DSCAML1: variants seen among roughly 807,000 people sequenced by gnomAD.
The protein encoded by DSCAML1 is DS cell adhesion molecule like 1, also known as cell adhesion molecule DSCAML1.
DSCAML1 carries 38 observed loss-of-function variants against 200.5 expected under a neutral mutation model. That is an observed-to-expected ratio of 0.19 (90% CI 0.15 to 0.25). DSCAML1 has a LOEUF of 0.25. DSCAML1 is among the 10% of genes least tolerant of loss of function. The probability of loss-of-function intolerance (pLI) is 1.00; values close to 1 mark genes in which losing one functional copy is unlikely to be tolerated. For synonymous variants in DSCAML1, 1,215 were observed against 1,165.0 expected (o/e 1.04, Z -0.87); for missense variants, 2,223 against 2,858.8 (o/e 0.78, Z 5.07).
intron 3 of DSCAML1, among the ~76,000 whole-genome samples, chr11:117,620,493 A>G (rs2051906437): frequency 6.6e-6 from 1 of 152,166 alleles, no homozygotes. Context: ...CGACACTGTG[A>G]CTGAAATTAA....
intron 11 of DSCAML1, among the ~76,000 whole-genome samples, chr11:117,500,544 G>C (rs1246803341): frequency 1.3e-5 from 1 of 78,534 alleles, no homozygotes; most frequent in African/African-American, 5.5e-5. Flanking sequence ...ACTTACCGGG[G>C]AGGACATTGG....
At chr11:117,665,390 C>G (rs1214300841) in intron 3 of DSCAML1, among the ~76,000 whole-genome samples, 3 of 152,242 alleles carry the variant, frequency 2.0e-5, no homozygotes, top group African/African-American at 7.2e-5. Flanking sequence ...GCCACAAGCA[C>G]AGCTAACCCT....
Position 117,516,862 on chromosome 11 carries a change from C to A in DSCAML1, c.1511-123G>T. On this transcript the variant is annotated intron_variant, in intron 7 of 32. Coordinates refer to ENST00000651296, the MANE Select transcript of DSCAML1 (RefSeq NM_020693.4). This position sits in a 1 kb window ranked among gnomAD's most constrained non-coding sequence, Gnocchi z 5.7. ...ACTCGGCCCCTGAGACTTTCGGGGG[C>A]GGACATTTGGTGGGGGCACAGGGAT... 8.0e-7 allele frequency: 1 copy of A among 1,250,238 alleles called. No homozygotes were observed. The highest frequency in any genetic ancestry group is 1.5e-5 in the South Asian group (1 of 64,956). The allele number at this position is 1,250,238 out of a possible 1,614,324, so 77.4% of individuals were successfully genotyped here.
chr11:117,770,330 G>C (rs943224495), intron 3 of DSCAML1, among the ~76,000 whole-genome samples: 1 of 152,182 alleles, frequency 6.6e-6, no homozygotes, highest in African/African-American at 2.4e-5. Flanking sequence ...CACTAGTGCA[G>C]GGTGACAATC....
chr11:117,497,442 C>T (rs1262669862), intron 11 of DSCAML1, among the ~76,000 whole-genome samples: 2 of 152,176 alleles, frequency 1.3e-5, no homozygotes, highest in East Asian at 1.9e-4. Flanking sequence ...GGGGCTGCGG[C>T]GGGGAGCCTG....
chr11:117,749,507 C>T (rs2054570336), intron 3 of DSCAML1, among the ~76,000 whole-genome samples: 1 of 152,220 alleles, frequency 6.6e-6, no homozygotes, highest in African/African-American at 2.4e-5. Flanking sequence ...TAAATGATTG[C>T]AAAAACAGCT....
chr11:117,613,652 C>A (rs1225704386), intron 3 of DSCAML1, among the ~76,000 whole-genome samples: 4 of 152,224 alleles, frequency 2.6e-5, no homozygotes, highest in Non-Finnish European at 5.9e-5. Flanking sequence ...AAGCCAGCCC[C>A]CTCCCTGCCA....
At position 117,797,142 on chromosome 11, in the gene DSCAML1, T is replaced by TC. The variant is rs2055597455; in HGVS notation, c.-64dup. 1.3e-6 allele frequency: 2 copies of TC among 1,589,976 alleles called. No individual in the cohort carries two copies. Among genetic ancestry groups the TC allele is most frequent in the Non-Finnish European group, 1.7e-6 (2 of 1,169,518 alleles). On this transcript the variant is annotated 5_prime_UTR_variant, in exon 1 of 33. Transcript: ENST00000651296. Reference sequence around the variant, plus strand: ...GTGGCCGGCCGTGCGGCAGCGCCTCTCCCCCGCTCAGCGCGCTCCCAGCCG... The same window carrying TC: ...GTGGCCGGCCGTGCGGCAGCGCCTCTCCCCCCGCTCAGCGCGCTCCCAGCCG...
At chr11:117,703,408 C>T (rs2053701761) in intron 3 of DSCAML1, among the ~76,000 whole-genome samples, 1 of 152,196 alleles carries the variant, frequency 6.6e-6, no homozygotes, top group Admixed American at 6.5e-5. Context: ...ACCATCTCCC[C>T]TTCCCAGACA....
intron 21 of DSCAML1, among the ~76,000 whole-genome samples, chr11:117,442,947 AGCCCCTG>A (rs2048097853): frequency 6.6e-6 from 1 of 152,158 alleles, no homozygotes; most frequent in Non-Finnish European, 1.5e-5. Context: ...GGCAGGTGGA[AGCCCCTG>A]GCCCACCGTA....
rs1190530434 is a variant in DSCAML1, at chr11:117,498,509, G to T, written c.2359+5336C>A. On this transcript the variant is annotated intron_variant, in intron 11 of 32. Transcript: ENST00000651296. The surrounding 1 kb of genome is among the most constrained non-coding windows in gnomAD (Gnocchi z 4.0). ...CATAGACTCCTTGCCCTGTGGAAGG[G>T]GTGGGGGCCCCAGTCCCCCAGGTCT... Among the ~76,000 whole-genome samples the T allele has an allele frequency of 6.6e-6, 1 of 152,152 alleles. No homozygotes were observed. Among genetic ancestry groups the T allele is most frequent in the Non-Finnish European group, 1.5e-5 (1 of 68,026 alleles).
intron 27 of DSCAML1, 94 bp downstream of exon 27, chr11:117,435,550 T>A (rs1333215200): frequency 7.1e-7 from 1 of 1,416,746 alleles, no homozygotes; most frequent in Non-Finnish European, 9.5e-7. Context: ...GCACTCTGTA[T>A]CATCCAGATG....
rs577246788 is a variant in DSCAML1, at chr11:117,752,190, G to A, written c.511+24601C>T. 6.5e-4 allele frequency among the ~76,000 whole-genome samples: 99 copies of A among 152,298 alleles called. 1 individual carries two copies. The South Asian group carries it at 9.7e-3, about 15-fold the overall frequency. On this transcript the variant is annotated intron_variant, in intron 3 of 32. Coordinates refer to ENST00000651296, the MANE Select transcript of DSCAML1 (RefSeq NM_020693.4). ...CCTGATTCCAGGAGGCCTCTTGCACGGAAGCCTCAGGGAACTGAACTCAAT... is the reference window on the plus strand; with the variant it reads ...CCTGATTCCAGGAGGCCTCTTGCACAGAAGCCTCAGGGAACTGAACTCAAT...
Position 117,505,336 on chromosome 11 carries a change from C to A in DSCAML1, c.2062+118G>T. 2.2e-6 allele frequency: 3 copies of A among 1,388,666 alleles called. No individual in the cohort carries two copies. The highest frequency in any genetic ancestry group is 2.9e-6 in the Non-Finnish European group (3 of 1,030,086). 86.0% of individuals were successfully genotyped at this position (1,388,666 alleles called of 1,614,324 possible). The stretch of plus-strand genomic sequence containing the variant: ...GAGGTTTAGGCTCCAACAGGCCCTT[C>A]AAGATGCTGGAGCCCACCTTCCATG... On this transcript the variant is annotated intron_variant, in intron 9 of 32. Coordinates refer to ENST00000651296, the MANE Select transcript of DSCAML1 (RefSeq NM_020693.4). This position sits in a 1 kb window ranked among gnomAD's most constrained non-coding sequence, Gnocchi z 6.7.
intron 1 of DSCAML1, among the ~76,000 whole-genome samples, chr11:117,811,547 G>A (rs1565296242): frequency 1.3e-5 from 2 of 152,220 alleles, no homozygotes; most frequent in South Asian, 2.1e-4. Context: ...TCCCCCAGGA[G>A]CTTACTACAA....
chr11:117,694,598 A>G (rs1203521810), intron 3 of DSCAML1, among the ~76,000 whole-genome samples: 1 of 152,056 alleles, frequency 6.6e-6, no homozygotes, highest in Non-Finnish European at 1.5e-5. Flanking sequence ...TGCCCCATCT[A>G]GCCAAGGAGG....
intron 3 of DSCAML1, among the ~76,000 whole-genome samples, chr11:117,732,853 G>A (rs2054247579): frequency 6.6e-6 from 1 of 151,846 alleles, no homozygotes. Context: ...CTCGGGAGGA[G>A]GGCCACACTT....
At chr11:117,696,718 C>T (rs1171320467) in intron 3 of DSCAML1, among the ~76,000 whole-genome samples, 1 of 152,080 alleles carries the variant, frequency 6.6e-6, no homozygotes, top group African/African-American at 2.4e-5. Flanking sequence ...GTTTCCCAAG[C>T]GTCTATTTAA....
chr11:117,532,525 G>A lies in DSCAML1; in HGVS notation c.512-3C>T, dbSNP rs2050101827. 6.2e-7 allele frequency: 1 copy of A among 1,612,900 alleles called. No individual in the cohort carries two copies. Among genetic ancestry groups the A allele is most frequent in the African/African-American group, 1.3e-5 (1 of 74,946 alleles). ...GTAGGTAATAAAAAACCTGTGTTCT[G>A]GAGACACAATCAGGACATAGTTCGT... is the stretch of plus-strand genomic sequence containing the variant. On this transcript the variant is annotated splice_region_variant and splice_polypyrimidine_tract_variant and intron_variant, in intron 3 of 32. Transcript: ENST00000651296.
Sources: gnomAD v4.1 joint callset for allele counts (sites outside exome capture counted in the v4.1 genomes callset) on GRCh38, gnomAD v4.1.1 for gene constraint, Gnocchi (gnomAD v3.1) non-coding constraint, MANE v1.5 for transcripts, NCBI Gene and HGNC (gene_info 2026-07-23, HGNC 2026-07-21) for gene names.